Variants in FANCB observed in about 807,000 individuals in gnomAD.
The protein encoded by FANCB is Fanconi anemia group B protein.
In FANCB, 5 loss-of-function variants were observed where a neutral mutation model predicts 38.9. That is an observed-to-expected ratio of 0.13 (90% CI 0.07 to 0.27). FANCB has a LOEUF of 0.27. Among genes scored for constraint, FANCB ranks in the 10% least tolerant of loss-of-function variants. FANCB has a pLI of 1.00. For missense variants in FANCB, 573 were observed against 602.7 expected, an observed-to-expected ratio of 0.95 and a Z score of 0.52; for synonymous variants, 236 against 215.4, an observed-to-expected ratio of 1.10 and a Z score of -0.84.
chrX:14,736,655 G>A, the FANCB span, among the ~76,000 whole-genome samples: 1 of 111,017 alleles, frequency 9.0e-6, no homozygotes, highest in Admixed American at 9.5e-5. Context: ...GTCTCGCTGG[G>A]AGCTGCAGAC....
downstream of FANCB, among the ~76,000 whole-genome samples, chrX:14,831,165 A>G (rs1166645848): frequency 8.9e-6 from 1 of 112,119 alleles, no homozygotes; most frequent in African/African-American, 3.2e-5. Flanking sequence ...ACTGTAATAC[A>G]TTTCATTCAT....
chrX:14,742,010 A>G, the FANCB span, among the ~76,000 whole-genome samples: 5 of 111,874 alleles, frequency 4.5e-5, no homozygotes, highest in Non-Finnish European at 9.4e-5. Context: ...AGAAAATACC[A>G]TGCCATGCCC....
chrX:14,859,772 C>T (rs1391157173), intron 3 of FANCB, among the ~76,000 whole-genome samples: 1 of 111,824 alleles, frequency 8.9e-6, no homozygotes. Flanking sequence ...TATTTATGAT[C>T]AGACAAATTA....
At chrX:14,764,558 G>C in the FANCB span, among the ~76,000 whole-genome samples, 1 of 111,547 alleles carries the variant, frequency 9.0e-6, no homozygotes, top group Non-Finnish European at 1.9e-5. Flanking sequence ...AGACATGTGA[G>C]AAGCAAGAAG....
the FANCB span, among the ~76,000 whole-genome samples, chrX:14,704,965 G>C: frequency 8.9e-6 from 1 of 112,165 alleles, no homozygotes; most frequent in Non-Finnish European, 1.9e-5. Context: ...CCCAGGAAGG[G>C]AGAGTATAGT....
the FANCB span, among the ~76,000 whole-genome samples, chrX:14,703,219 C>G: frequency 9.0e-6 from 1 of 111,447 alleles, no homozygotes; most frequent in Non-Finnish European, 1.9e-5. Context: ...AATAAACAAC[C>G]AAGGGGACAA....
chrX:14,750,973 T>A, the FANCB span, among the ~76,000 whole-genome samples: 20 of 110,296 alleles, frequency 1.8e-4, no homozygotes, highest in Non-Finnish European at 3.8e-5. Flanking sequence ...CCTTGCATAA[T>A]TTATTTAACC....
chrX:14,731,825 C>A, the FANCB span: 5 of 111,506 alleles, frequency 4.5e-5, no homozygotes, highest in Non-Finnish European at 9.4e-5. Flanking sequence ...TCTCTAGAGG[C>A]TTTCGTTTTC....
chrX:14,853,188 T>C (rs755184176), intron 5 of FANCB, 21 bp from the exon 6 acceptor site: 6 of 1,189,598 alleles, frequency 5.0e-6, no homozygotes, highest in African/African-American at 3.5e-5. Flanking sequence ...GAAAGAAAAA[T>C]AGTGGCAAGA....
chrX:14,850,284 A>C (rs2092395192), intron 7 of FANCB, among the ~76,000 whole-genome samples: 1 of 112,118 alleles, frequency 8.9e-6, no homozygotes, highest in Non-Finnish European at 1.9e-5. Flanking sequence ...CAGGAGGTGG[A>C]GGTTGCAGTG....
the FANCB span, among the ~76,000 whole-genome samples, chrX:14,812,664 C>A: frequency 9.3e-6 from 1 of 107,982 alleles, no homozygotes; most frequent in African/African-American, 3.4e-5. Flanking sequence ...GAAATTGTGG[C>A]AATAATCAAT....
the FANCB span, among the ~76,000 whole-genome samples, chrX:14,811,004 C>T: frequency 9.0e-6 from 1 of 111,486 alleles, no homozygotes; most frequent in Admixed American, 9.5e-5. Context: ...AAAGTGGGGG[C>T]CAATATTCAA....
At chrX:14,828,790 C>T in the FANCB span, among the ~76,000 whole-genome samples, 927 of 111,603 alleles carry the variant, frequency 8.3e-3, 11 homozygotes, top group African/African-American at 0.028. Flanking sequence ...CAGCTCACTG[C>T]AGCCCTGTCC....
At chrX:14,839,016 C>T (rs1386177078), downstream of FANCB, among the ~76,000 whole-genome samples, 1 of 111,365 alleles carries the variant, frequency 9.0e-6, no homozygotes, top group Non-Finnish European at 1.9e-5. Context: ...TGAGGCTGGG[C>T]ACAGTGGCTC....
chrX:14,801,723 G>A, the FANCB span, among the ~76,000 whole-genome samples: 1 of 110,062 alleles, frequency 9.1e-6, no homozygotes, highest in South Asian at 3.9e-4. Flanking sequence ...ATAGCTCTAG[G>A]GCATGATCAT....
the FANCB span, among the ~76,000 whole-genome samples, chrX:14,787,876 A>AATATATATATAT: frequency 6.7e-4 from 28 of 41,676 alleles, no homozygotes; most frequent in East Asian, 1.2e-3. Flanking sequence ...TTAAAAATAG[A>AATATATATATAT]ATATATATAT....
At chrX:14,740,284 A>T in the FANCB span, among the ~76,000 whole-genome samples, 5 of 111,396 alleles carry the variant, frequency 4.5e-5, no homozygotes, top group Non-Finnish European at 7.5e-5. Flanking sequence ...CACAAACCAG[A>T]TAATGTCACT....
chrX:14,851,232 GTTTAC>G (rs765508158), intron 6 of FANCB, among the ~76,000 whole-genome samples: 8 of 112,029 alleles, frequency 7.1e-5, no homozygotes, highest in Non-Finnish European at 1.1e-4. Context: ...TCTATTGAGT[GTTTAC>G]TTTATGCCAG....
the FANCB span, among the ~76,000 whole-genome samples, chrX:14,829,365 G>T: frequency 9.0e-6 from 1 of 111,302 alleles, no homozygotes; most frequent in Non-Finnish European, 1.9e-5. Context: ...TTTCAGAATG[G>T]TAAATAAGCA....
Sources: allele counts gnomAD v4.1 joint callset (sites outside exome capture counted in the v4.1 genomes callset), GRCh38; gene constraint gnomAD v4.1.1; transcripts MANE v1.5; gene names NCBI Gene and HGNC (gene_info 2026-07-23, HGNC 2026-07-21).